The following ZFP64 variants were observed in gnomAD, a reference collection of about 807,000 sequenced individuals.
The protein encoded by ZFP64 is ZFP64 zinc finger protein.
ZFP64 carries 14 observed loss-of-function variants against 51.6 expected under a neutral mutation model. That is an observed-to-expected ratio of 0.27 (90% CI 0.18 to 0.42). ZFP64 has a LOEUF of 0.42. Among genes scored for constraint, ZFP64 ranks in the 10% least tolerant of loss-of-function variants. The probability of loss-of-function intolerance (pLI) is 1.00; values close to 1 mark genes in which losing one functional copy is unlikely to be tolerated. For synonymous variants in ZFP64, 375 were observed against 361.4 expected (o/e 1.04, Z -0.43); for missense variants, 754 against 906.8 (o/e 0.83, Z 2.16).
chr20:52,172,720 C>T (rs1238208575), intron 2 of ZFP64, among the ~76,000 whole-genome samples: 1 of 151,726 alleles, frequency 6.6e-6, no homozygotes, highest in African/African-American at 2.4e-5. Flanking sequence ...TTATGTCTAA[C>T]TTTTTGCAAG....
intron 5 of ZFP64, among the ~76,000 whole-genome samples, chr20:52,134,642 C>T (rs549124250): frequency 2.0e-5 from 3 of 152,070 alleles, no homozygotes; most frequent in Non-Finnish European, 2.9e-5. Context: ...TGACTTGGAA[C>T]GTTCCAGGAA....
At chr20:52,091,085 C>T (rs1358428199) in intron 7 of ZFP64, among the ~76,000 whole-genome samples, 2 of 152,094 alleles carry the variant, frequency 1.3e-5, no homozygotes, top group African/African-American at 4.8e-5. Context: ...AGAACAAGAA[C>T]TTGTCTCTAT....
intron 5 of ZFP64, among the ~76,000 whole-genome samples, chr20:52,102,441 C>G (rs1277912009): frequency 6.6e-6 from 1 of 152,108 alleles, no homozygotes. Context: ...GAGCAAGAAA[C>G]TGGCTCAGAT....
intron 2 of ZFP64, among the ~76,000 whole-genome samples, chr20:52,169,870 A>G (rs529322533): frequency 1.4e-4 from 21 of 152,120 alleles, no homozygotes; most frequent in African/African-American, 5.1e-4. Flanking sequence ...CCTGACTAAC[A>G]TGAAGAAACC....
chr20:52,175,869 C>T (rs960216889), intron 2 of ZFP64: 10 of 788,608 alleles, frequency 1.3e-5, no homozygotes, highest in African/African-American at 9.4e-5. Context: ...CTGCCGCCCC[C>T]GCCCCCAAAA....
chr20:52,085,831 TA>T lies in ZFP64; in HGVS notation c.1229-566del, dbSNP rs1470720877. Among the ~76,000 whole-genome samples the T allele has an allele frequency of 6.6e-6, 1 of 152,200 alleles. No homozygotes were observed. The highest frequency in any genetic ancestry group is 1.5e-5 in the Non-Finnish European group (1 of 68,042). On this transcript the variant is annotated intron_variant, in intron 8 of 8. Transcript: ENST00000361387. This position sits in a 1 kb window ranked among gnomAD's most constrained non-coding sequence, Gnocchi z 4.3. ...AATTATGGCAGCAGGGGACAAATAATAAAGAGCCATGGTCTTTAGAGTCCCA... is the reference window on the plus strand; with the variant it reads ...AATTATGGCAGCAGGGGACAAATAATAAGAGCCATGGTCTTTAGAGTCCCA...
intron 6 of ZFP64, chr20:52,097,526 C>T: frequency 8.4e-7 from 1 of 1,192,440 alleles, no homozygotes; most frequent in Admixed American, 2.1e-5. Flanking sequence ...TCCATCTCGG[C>T]TCACTGCAAC....
intron 5 of ZFP64, among the ~76,000 whole-genome samples, chr20:52,126,294 G>C (rs1462162352): frequency 1.3e-5 from 2 of 152,136 alleles, no homozygotes; most frequent in Non-Finnish European, 2.9e-5. Flanking sequence ...TGAAATTCGG[G>C]AAGTTATTTC....
chr20:52,092,788 A>G (rs1042098177), intron 7 of ZFP64, among the ~76,000 whole-genome samples: 4 of 152,182 alleles, frequency 2.6e-5, no homozygotes, highest in Non-Finnish European at 4.4e-5. Context: ...CCAGGGAGAC[A>G]TAAGTTGCAG....
chr20:52,115,279 G>GA (rs928708110), intron 5 of ZFP64, among the ~76,000 whole-genome samples: 1 of 146,426 alleles, frequency 6.8e-6, no homozygotes, highest in Admixed American at 6.8e-5. Context: ...TTGCATTAAA[G>GA]AAAAAAAAGC....
At position 52,151,620 on chromosome 20, in the gene ZFP64, G is replaced by A. The variant is rs2122948199; in HGVS notation, c.*526C>T. ...TTGGAATCATCTTGGTAACATTTAA[G>A]ATTCTACAACAGTTATAATGCGACG... On this transcript the variant is annotated 3_prime_UTR_variant, in exon 6 of 6. Coordinates refer to ENST00000216923, the MANE Select transcript of ZFP64 (RefSeq NM_018197.3). The A allele has an allele frequency of 1.0e-6, 1 of 987,126 alleles. No individual in the cohort carries two copies. The highest frequency in any genetic ancestry group is 1.1e-4 in the East Asian group (1 of 8,838). The allele number at this position is 987,126 out of a possible 1,614,324, so 61.1% of individuals were successfully genotyped here.
intron 7 of ZFP64, chr20:52,096,963 G>A (rs2078995391): frequency 4.1e-6 from 2 of 483,380 alleles, no homozygotes; most frequent in Non-Finnish European, 8.4e-6. Flanking sequence ...ACTACCTCTT[G>A]TAAGGCCAGA....
chr20:52,098,386 C>T (rs1169899961), intron 6 of ZFP64: 7 of 1,598,436 alleles, frequency 4.4e-6, no homozygotes, highest in Non-Finnish European at 6.0e-6. Context: ...GTAGGGCTTG[C>T]AGATCAGTGC....
chr20:52,131,994 G>GA (rs953771930), intron 5 of ZFP64, among the ~76,000 whole-genome samples: 6 of 151,384 alleles, frequency 4.0e-5, no homozygotes, highest in African/African-American at 9.7e-5. Context: ...TTAAAATGTT[G>GA]AAAAAAAACT....
intron 8 of ZFP64, among the ~76,000 whole-genome samples, chr20:52,086,273 C>T (rs1346716686): frequency 2.0e-5 from 3 of 152,174 alleles, no homozygotes; most frequent in Non-Finnish European, 2.9e-5. Flanking sequence ...ACCAGGATTA[C>T]AATCACTTCC....
intron 5 of ZFP64, among the ~76,000 whole-genome samples, chr20:52,155,976 GA>G (rs1411430624): frequency 6.6e-6 from 1 of 152,142 alleles, no homozygotes; most frequent in East Asian, 1.9e-4. Context: ...AACATTCCAC[GA>G]AGACCATGCA....
chr20:52,092,304 C>G (rs2078936104), intron 7 of ZFP64, among the ~76,000 whole-genome samples: 1 of 152,204 alleles, frequency 6.6e-6, no homozygotes, highest in Non-Finnish European at 1.5e-5. Flanking sequence ...CCTCCACCCA[C>G]CAGATGCCAG....
chr20:52,106,726 CTT>C (rs1978320798), intron 5 of ZFP64, among the ~76,000 whole-genome samples: 1 of 152,196 alleles, frequency 6.6e-6, no homozygotes, highest in South Asian at 2.1e-4. Flanking sequence ...GAGACTTAAA[CTT>C]TTTAAAAAAC....
intron 5 of ZFP64, among the ~76,000 whole-genome samples, chr20:52,108,438 GA>G (rs553886342): frequency 1.2e-3 from 183 of 150,646 alleles, no homozygotes; most frequent in African/African-American, 4.3e-3. Context: ...TCTTATTTTT[GA>G]AAAAAATTGT....
Sources: allele counts gnomAD v4.1 joint callset (sites outside exome capture counted in the v4.1 genomes callset), GRCh38; gene constraint gnomAD v4.1.1; non-coding constraint Gnocchi (gnomAD v3.1); transcripts MANE v1.5; gene names NCBI Gene and HGNC (gene_info 2026-07-23, HGNC 2026-07-21).